Variants in MCF2L2 observed in about 807,000 individuals in gnomAD.
MCF2L2 encodes the protein probable guanine nucleotide exchange factor MCF2L2.
In MCF2L2, 102 loss-of-function variants were observed where a neutral mutation model predicts 150.2. The ratio of observed to expected loss-of-function variants is 0.68; its 90% CI spans 0.58 to 0.80. The LOEUF (loss-of-function observed/expected upper bound fraction) is 0.80. Among genes scored for constraint, MCF2L2 ranks in the 30% least tolerant of loss-of-function variants. The pLI is 0.00. For synonymous variants in MCF2L2, 465 were observed against 491.3 expected, an observed-to-expected ratio of 0.95 and a Z score of 0.71; for missense variants, 1,256 against 1,372.8, an observed-to-expected ratio of 0.91 and a Z score of 1.34.
chr3:183,374,901 G>C (rs57163728), intron 3 of MCF2L2: 4 of 152,028 alleles, frequency 2.6e-5, no homozygotes, highest in African/African-American at 7.3e-5. Context: ...GAGCCTAGGA[G>C]AGTGAAAGTG....
chr3:183,343,807 C>T (rs543492122), intron 3 of MCF2L2, among the ~76,000 whole-genome samples: 5 of 152,196 alleles, frequency 3.3e-5, no homozygotes, highest in Admixed American at 6.5e-5. Flanking sequence ...AAAAATAACA[C>T]AGTATTATTA....
At chr3:183,224,631 C>G (rs1389774433) in intron 18 of MCF2L2, 1 of 153,484 alleles carries the variant, frequency 6.5e-6, no homozygotes, top group Admixed American at 6.5e-5. Flanking sequence ...CATCGTGACA[C>G]CAACCCTGCA....
rs1236186076 is a variant in MCF2L2 at position 183,181,204 on chromosome 3, A to G, written c.3017-1045T>C. Among the ~76,000 whole-genome samples, 3 of 152,076 alleles carry G rather than the reference A, an allele frequency of 2.0e-5. No homozygotes were observed. The highest frequency in any genetic ancestry group is 7.2e-5 in the African/African-American group (3 of 41,422). ...GGAGGGAGCTGCAGTTATCTGGGTG[A>G]GCAGGCAGCACAAGTAGCGTCTCCT... On this transcript the variant is annotated intron_variant, in intron 27 of 29. Coordinates refer to ENST00000328913, the MANE Select transcript of MCF2L2 (RefSeq NM_015078.4). This position sits in a 1 kb window ranked among gnomAD's most constrained non-coding sequence, Gnocchi z 4.3.
At chr3:183,251,668 A>G (rs975470450) in intron 15 of MCF2L2, among the ~76,000 whole-genome samples, 3 of 151,984 alleles carry the variant, frequency 2.0e-5, no homozygotes, top group Non-Finnish European at 4.4e-5. Context: ...ACACATCTCA[A>G]TATCTTCATG....
At position 183,284,702 on chromosome 3, in the gene MCF2L2, C is replaced by CAA. The variant is rs775947593; in HGVS notation, c.1776+4416_1776+4417dup. Among the ~76,000 whole-genome samples, 270 of 130,808 alleles carry CAA rather than the reference C, an allele frequency of 2.1e-3. 1 individual carries two copies. The highest frequency in any genetic ancestry group is 3.7e-3 in the Non-Finnish European group (221 of 59,606). 85.8% of individuals were successfully genotyped at this position (130,808 alleles called of 152,430 possible). On this transcript the variant is annotated intron_variant, in intron 14 of 29. Coordinates refer to ENST00000328913, the MANE Select transcript of MCF2L2 (RefSeq NM_015078.4). The stretch of plus-strand genomic sequence containing the variant: ...GGGCAACAAAGTGAGACTCTGTCTC[C>CAA]AAAAAAAAAAAAAAATTTAGATTCC...
intron 1 of MCF2L2, among the ~76,000 whole-genome samples, chr3:183,391,099 T>C (rs2108599735): frequency 6.6e-6 from 1 of 152,246 alleles, no homozygotes; most frequent in East Asian, 1.9e-4. Flanking sequence ...AAGGTAATAT[T>C]TGGGAAGGTC....
At chr3:183,261,259 C>T (rs2108417974) in intron 15 of MCF2L2, among the ~76,000 whole-genome samples, 1 of 152,200 alleles carries the variant, frequency 6.6e-6, no homozygotes, top group East Asian at 1.9e-4. Flanking sequence ...CCTGATCTCT[C>T]TCAACAAGGC....
chr3:183,193,397 C>T (rs1576911295), intron 26 of MCF2L2, among the ~76,000 whole-genome samples: 1 of 145,842 alleles, frequency 6.9e-6, no homozygotes, highest in African/African-American at 2.6e-5. Flanking sequence ...GTTGCCCAGG[C>T]TGGAGTGCAG....
chr3:183,416,881 G>A (rs570814883), intron 1 of MCF2L2, among the ~76,000 whole-genome samples: 10 of 151,978 alleles, frequency 6.6e-5, no homozygotes, highest in African/African-American at 1.4e-4. Flanking sequence ...AGGCTGAGGC[G>A]GGTGGATCAC....
At chr3:183,204,878 C>T (rs376293299) in intron 25 of MCF2L2, among the ~76,000 whole-genome samples, 4 of 151,810 alleles carry the variant, frequency 2.6e-5, no homozygotes, top group East Asian at 1.9e-4. Flanking sequence ...TAAAAAAATA[C>T]GCAAAGTGAA....
intron 5 of MCF2L2, among the ~76,000 whole-genome samples, chr3:183,335,962 C>G (rs1158168900): frequency 6.6e-6 from 1 of 152,186 alleles, no homozygotes; most frequent in Admixed American, 6.5e-5. Context: ...TTCGTCACCT[C>G]CCAAGGAGGG....
intron 22 of MCF2L2, among the ~76,000 whole-genome samples, chr3:183,212,948 TG>T (rs1553882766): frequency 5.3e-4 from 1 of 1,904 alleles, no homozygotes; most frequent in African/African-American, 1.9e-3. Flanking sequence ...ATAGGTATTG[TG>T]GGGGGGTGGG....
chr3:183,223,244 C>T (rs1430957398), intron 20 of MCF2L2, 102 bp downstream of exon 20: 2 of 831,076 alleles, frequency 2.4e-6, no homozygotes, highest in African/African-American at 1.7e-5. Context: ...TATCTTCAGC[C>T]TTAGAAGACC....
chr3:183,224,173 T>C lies in MCF2L2; in HGVS notation c.2133A>G (p.Ile711Met). 6.2e-7 allele frequency: 1 copy of C among 1,612,594 alleles called. No homozygotes were observed. Among genetic ancestry groups the C allele is most frequent in the Non-Finnish European group, 8.5e-7 (1 of 1,178,690 alleles). The change falls in exon 19 of 30, where the codon ATA becomes ATG. Residue 711 changes from isoleucine to methionine, a missense_variant. By Grantham distance (10) the Ile-to-Met change is conservative. Coordinates refer to ENST00000328913, the MANE Select transcript of MCF2L2 (RefSeq NM_015078.4). ...GCAGATTCTTATGGTATTTAAAATATATCTGAAGATCTTCTTTCTAGGTGG... is the reference window on the plus strand; with the variant it reads ...GCAGATTCTTATGGTATTTAAAATACATCTGAAGATCTTCTTTCTAGGTGG... ...CFLKRKEDLQ[I>M]YFKYHKNLPR...
intron 15 of MCF2L2, among the ~76,000 whole-genome samples, chr3:183,260,217 T>C (rs1725459399): frequency 6.6e-6 from 1 of 152,158 alleles, no homozygotes; most frequent in Non-Finnish European, 1.5e-5. Flanking sequence ...GGAGATCCTT[T>C]CTTCCTCAAA....
chr3:183,412,239 G>T (rs1247109102), intron 1 of MCF2L2, among the ~76,000 whole-genome samples: 1 of 152,174 alleles, frequency 6.6e-6, no homozygotes, highest in Non-Finnish European at 1.5e-5. Flanking sequence ...TCAGTGCAAA[G>T]GGAATTCACA....
At chr3:183,343,393 C>T (rs867709183) in intron 3 of MCF2L2, among the ~76,000 whole-genome samples, 24 of 143,890 alleles carry the variant, frequency 1.7e-4, no homozygotes, top group Middle Eastern at 7.4e-3. Context: ...TTTTTTGAGA[C>T]GGAGTCTCAC....
intron 3 of MCF2L2, chr3:183,373,141 A>G (rs1712988536): frequency 6.6e-6 from 1 of 152,222 alleles, no homozygotes; most frequent in African/African-American, 2.4e-5. Context: ...TGCTATTGTT[A>G]TAAGCTGGAC....
intron 27 of MCF2L2, among the ~76,000 whole-genome samples, chr3:183,184,907 C>CT (rs992487364): frequency 7.5e-5 from 11 of 147,230 alleles, no homozygotes; most frequent in Admixed American, 2.8e-4. Flanking sequence ...CAATGCACAA[C>CT]TTTTTTTTTC....
Sources: allele counts gnomAD v4.1 joint callset (sites outside exome capture counted in the v4.1 genomes callset), GRCh38; gene constraint gnomAD v4.1.1; non-coding constraint Gnocchi (gnomAD v3.1); transcripts MANE v1.5; gene names NCBI Gene and HGNC (gene_info 2026-07-23, HGNC 2026-07-21).